Variants in GXYLT2 observed in about 807,000 individuals in gnomAD.
GXYLT2 encodes glucoside xylosyltransferase 2.
In GXYLT2, 53 loss-of-function variants were observed where a neutral mutation model predicts 45.8. The observed-to-expected ratio is 1.16, with a 90% CI of 0.93 to 1.46. The LOEUF (loss-of-function observed/expected upper bound fraction) is 1.46, where lower values mean the gene tolerates loss of function less well. GXYLT2 is among the 40% of genes most tolerant of loss of function. The pLI is 0.00. For synonymous variants in GXYLT2, 219 were observed against 214.2 expected (o/e 1.02, Z -0.19); for missense variants, 551 against 544.4 (o/e 1.01, Z -0.12).
At chr3:72,940,629 A>G (rs142660883) in intron 3 of GXYLT2, among the ~76,000 whole-genome samples, 1 of 152,294 alleles carries the variant, frequency 6.6e-6, no homozygotes, top group East Asian at 1.9e-4. Context: ...GTATGTTTTT[A>G]CAACACACAT....
chr3:72,929,702 C>A, intron 3 of GXYLT2: 1 of 607,682 alleles, frequency 1.6e-6, no homozygotes, highest in South Asian at 1.9e-5. Context: ...TGCACCACAA[C>A]ATCCAGAAAA....
chr3:72,903,095 T>C (rs2107071614), intron 1 of GXYLT2, among the ~76,000 whole-genome samples: 1 of 152,334 alleles, frequency 6.6e-6, no homozygotes, highest in Non-Finnish European at 1.5e-5. Context: ...GTTGTTGGTG[T>C]TGTTGAAAAA....
intron 6 of GXYLT2, among the ~76,000 whole-genome samples, chr3:72,973,220 A>G (rs1257359463): frequency 1.3e-5 from 2 of 152,178 alleles, no homozygotes; most frequent in Admixed American, 6.6e-5. Context: ...GGGGAGGGGC[A>G]CCAGGGAGGC....
chr3:72,912,985 T>C (rs991658577), intron 2 of GXYLT2, among the ~76,000 whole-genome samples: 1 of 152,168 alleles, frequency 6.6e-6, no homozygotes, highest in Admixed American at 6.5e-5. Flanking sequence ...TGTTGAATTT[T>C]CCTGATGACT....
chr3:72,905,972 A>G (rs930255449), intron 1 of GXYLT2, among the ~76,000 whole-genome samples: 3 of 152,228 alleles, frequency 2.0e-5, no homozygotes, highest in African/African-American at 7.2e-5. Flanking sequence ...AGGTGAGGGT[A>G]TTCATATTTA....
At chr3:72,890,081 A>T (rs1709155487) in intron 1 of GXYLT2, among the ~76,000 whole-genome samples, 1 of 151,962 alleles carries the variant, frequency 6.6e-6, no homozygotes, top group African/African-American at 2.4e-5. Context: ...CACCATGCCC[A>T]GCTGATTTTT....
chr3:72,973,480 G>A (rs1037601440), intron 6 of GXYLT2, among the ~76,000 whole-genome samples: 7 of 152,180 alleles, frequency 4.6e-5, no homozygotes, highest in South Asian at 2.1e-4. Context: ...AAGCCCCTTC[G>A]GGAAAGTGAT....
intron 2 of GXYLT2, among the ~76,000 whole-genome samples, chr3:72,912,739 G>A (rs931173424): frequency 2.0e-5 from 3 of 152,226 alleles, no homozygotes; most frequent in East Asian, 1.9e-4. Context: ...GATTCCAGCC[G>A]CCAGCCTTCA....
chr3:72,952,001 C>A (rs1456917735), intron 3 of GXYLT2, among the ~76,000 whole-genome samples: 4 of 113,888 alleles, frequency 3.5e-5, no homozygotes, highest in Non-Finnish European at 7.8e-5. Flanking sequence ...GACACCATGC[C>A]CAGCTTTTTT....
intron 6 of GXYLT2, among the ~76,000 whole-genome samples, chr3:72,970,644 G>A (rs1335562200): frequency 1.3e-5 from 2 of 152,126 alleles, no homozygotes; most frequent in African/African-American, 2.4e-5. Flanking sequence ...TGGATCACCT[G>A]AGGTCGGGAG....
intron 3 of GXYLT2, among the ~76,000 whole-genome samples, chr3:72,935,795 C>A (rs1710165505): frequency 1.3e-5 from 2 of 152,208 alleles, no homozygotes. Flanking sequence ...AAGACATTTT[C>A]AGATGTGCAC....
At chr3:72,949,745 C>T (rs1229733095) in intron 3 of GXYLT2, among the ~76,000 whole-genome samples, 1 of 151,824 alleles carries the variant, frequency 6.6e-6, no homozygotes, top group African/African-American at 2.4e-5. Flanking sequence ...TATGTCTTGA[C>T]CTCATGATCC....
intron 3 of GXYLT2, among the ~76,000 whole-genome samples, chr3:72,949,502 C>CTTTTTTTTTTTTTTTT (rs56323434): frequency 6.3e-4 from 46 of 72,632 alleles, no homozygotes; most frequent in Non-Finnish European, 7.1e-4. Context: ...CTTTCTTTTT[C>CTTTTTTTTTTTTTTTT]TTTTTTTTTT....
In GXYLT2 at chr3:72,963,003, G is replaced by A. The variant is rs138354190; in HGVS notation, c.977-4544G>A. Among the ~76,000 whole-genome samples the A allele has an allele frequency of 3.0e-3, 461 of 151,714 alleles. 1 individual carries two copies. Among genetic ancestry groups the A allele is most frequent in the African/African-American group, 9.7e-3 (403 of 41,386 alleles). ...TTAGCAGAGCAGTTGAACAGCCTCC[G>A]TTCTATTGATACAGAGTATTAAGCG... On this transcript the variant is annotated intron_variant, in intron 5 of 6. Coordinates refer to ENST00000389617, the MANE Select transcript of GXYLT2 (RefSeq NM_001080393.2).
At chr3:72,908,273 T>A (rs1422453490) in intron 1 of GXYLT2, 94 bp from the exon 2 acceptor site, 1 of 802,666 alleles carries the variant, frequency 1.2e-6, no homozygotes, top group Admixed American at 3.0e-5. Flanking sequence ...CCTGATCATG[T>A]TTTGAAATGT....
intron 5 of GXYLT2, 138 bp from the exon 6 acceptor site, chr3:72,967,409 C>A: frequency 1.7e-6 from 1 of 590,502 alleles, no homozygotes; most frequent in Non-Finnish European, 2.8e-6. Flanking sequence ...AAAATTTGAT[C>A]TATGAGTAAA....
rs183050333 is a variant in GXYLT2, at chr3:72,960,199, G to A, written c.976+2847G>A. 9.8e-5 allele frequency among the ~76,000 whole-genome samples: 15 copies of A among 152,300 alleles called. No individual in the cohort carries two copies. The East Asian group carries it at 2.9e-3, about 29-fold the overall frequency. On this transcript the variant is annotated intron_variant, in intron 5 of 6. Coordinates refer to ENST00000389617, the MANE Select transcript of GXYLT2 (RefSeq NM_001080393.2). ...TGGTGGATCACTTGAGGGATTATAG[G>A]CGTGAGCCACCACACCCGGCCCTTT...
chr3:72,963,970 C>T (rs763151752), intron 5 of GXYLT2, among the ~76,000 whole-genome samples: 36 of 151,948 alleles, frequency 2.4e-4, no homozygotes, highest in Non-Finnish European at 4.4e-4. Context: ...CCACCATACC[C>T]GGACAAATTT....
At chr3:72,951,259 A>G (rs1180498137) in intron 3 of GXYLT2, among the ~76,000 whole-genome samples, 1 of 152,076 alleles carries the variant, frequency 6.6e-6, no homozygotes, top group Non-Finnish European at 1.5e-5. Flanking sequence ...TTTTCAGTCC[A>G]GGTACTGAGT....
Sources: gnomAD v4.1 joint callset for allele counts (sites outside exome capture counted in the v4.1 genomes callset) on GRCh38, gnomAD v4.1.1 for gene constraint, MANE v1.5 for transcripts, NCBI Gene and HGNC (gene_info 2026-07-23, HGNC 2026-07-21) for gene names.